PIBF1: variants seen among roughly 807,000 people sequenced by gnomAD.
PIBF1 encodes the protein progesterone immunomodulatory binding factor 1, also known as progesterone-induced-blocking factor 1.
In PIBF1, 90 loss-of-function variants were observed where a neutral mutation model predicts 112.5. The observed-to-expected ratio is 0.80, with a 90% CI of 0.67 to 0.95. The LOEUF (loss-of-function observed/expected upper bound fraction) is 0.95, where lower values mean the gene tolerates loss of function less well. PIBF1 is among the 40% of genes least tolerant of loss of function. The pLI is 0.00. For missense variants in PIBF1, 915 were observed against 852.3 expected, an observed-to-expected ratio of 1.07 and a Z score of -0.92; for synonymous variants, 301 against 288.6, an observed-to-expected ratio of 1.04 and a Z score of -0.44.
At chr13:72,934,108 A>G (rs1396306668) in intron 14 of PIBF1, among the ~76,000 whole-genome samples, 1 of 152,286 alleles carries the variant, frequency 6.6e-6, no homozygotes, top group East Asian at 1.9e-4. Context: ...TGAAAATAAA[A>G]TATTTAAAGT....
In PIBF1 at chr13:72,797,911, G is replaced by A. The variant is rs142370535; in HGVS notation, c.557G>A (p.Arg186His). The change falls in exon 5 of 18, where the codon CGC (arginine) becomes CAC (histidine). Residue 186 changes from arginine (R) to histidine (H), a missense_variant. Coordinates refer to ENST00000326291, the MANE Select transcript of PIBF1 (RefSeq NM_006346.4). Reference sequence around the variant, plus strand: ...ATTAATTTAATTTTTTTCAAGGTTCGCTTCTATGAGCTAGTGAATCCATTA... The same window carrying A: ...ATTAATTTAATTTTTTTCAAGGTTCACTTCTATGAGCTAGTGAATCCATTA... ...QLSIPEYVSV[R>H]FYELVNPLRK... is the part of the protein sequence containing the mutation. The A allele has an allele frequency of 3.0e-5, 47 of 1,577,876 alleles. No homozygotes were observed. Among genetic ancestry groups the A allele is most frequent in the South Asian group, 2.1e-4 (18 of 83,886 alleles).
chr13:72,800,897 A>G (rs942745345), intron 5 of PIBF1, among the ~76,000 whole-genome samples: 1 of 152,182 alleles, frequency 6.6e-6, no homozygotes, highest in Non-Finnish European at 1.5e-5. Flanking sequence ...GAATTCTGTA[A>G]GGTTGGCTAG....
chr13:72,950,973 G>A (rs73218786), intron 14 of PIBF1, among the ~76,000 whole-genome samples: 5,678 of 152,332 alleles, frequency 0.037, 160 homozygotes, highest in Middle Eastern at 0.075. Flanking sequence ...AGTTTCTTCT[G>A]AAAGTGGCCA....
At chr13:72,846,869 C>G (rs531262090) in intron 9 of PIBF1, among the ~76,000 whole-genome samples, 6 of 152,126 alleles carry the variant, frequency 3.9e-5, no homozygotes, top group Non-Finnish European at 8.8e-5. Context: ...GTCCTGGACT[C>G]CCAGGTACCA....
rs180933044 is a variant in PIBF1 at position 72,847,909 on chromosome 13, G to A, written c.1224-6148G>A. Among the ~76,000 whole-genome samples the A allele has an allele frequency of 2.0e-5, 3 of 152,194 alleles. No individual in the cohort carries two copies. In the East Asian group the frequency reaches 5.8e-4, roughly 29 times the overall value. On this transcript the variant is annotated intron_variant, in intron 9 of 17. Transcript: ENST00000326291. ...AGTTTTATGTTGTGTCCAGGAAGAC[G>A]CTGGAGGTAGAGATGATAAATTCAA...
chr13:72,795,644 A>G, intron 4 of PIBF1, 87 bp downstream of exon 4: 1 of 791,746 alleles, frequency 1.3e-6, no homozygotes, highest in South Asian at 1.6e-5. Context: ...CTTTTGAAGT[A>G]CCCAATTGAT....
intron 16 of PIBF1, among the ~76,000 whole-genome samples, chr13:72,995,390 T>A (rs1407321789): frequency 6.6e-6 from 1 of 151,732 alleles, no homozygotes; most frequent in East Asian, 1.9e-4. Flanking sequence ...GAAAAATACA[T>A]CATTCATTAA....
At chr13:72,788,330 C>A (rs891791501) in intron 2 of PIBF1, among the ~76,000 whole-genome samples, 1 of 152,104 alleles carries the variant, frequency 6.6e-6, no homozygotes, top group Admixed American at 6.6e-5. Context: ...GCAGTTAATA[C>A]CAGAGACTTG....
intron 17 of PIBF1, among the ~76,000 whole-genome samples, chr13:73,012,810 AAAG>A (rs1002775336): frequency 4.6e-5 from 7 of 151,886 alleles, no homozygotes; most frequent in African/African-American, 7.2e-5. Context: ...AACCTCTAAA[AAAG>A]AGAATATCCA....
intron 9 of PIBF1, among the ~76,000 whole-genome samples, chr13:72,848,860 T>TAATA (rs1367570385): frequency 6.6e-6 from 1 of 152,128 alleles, no homozygotes; most frequent in Non-Finnish European, 1.5e-5. Flanking sequence ...CTTAACTCTT[T>TAATA]AAGTTTCTCA....
At chr13:72,926,814 G>A (rs2041499358) in intron 13 of PIBF1, among the ~76,000 whole-genome samples, 1 of 152,130 alleles carries the variant, frequency 6.6e-6, no homozygotes, top group African/African-American at 2.4e-5. Flanking sequence ...TTAGTGGTAT[G>A]CCTTTTCTTA....
chr13:72,844,787 A>ACACACACACG (rs1566348705), intron 9 of PIBF1, among the ~76,000 whole-genome samples: 1 of 125,610 alleles, frequency 8.0e-6, no homozygotes, highest in African/African-American at 3.0e-5. Context: ...ACACACACAC[A>ACACACACACG]CACACACACA....
chr13:72,821,361 G>A (rs942955753), intron 5 of PIBF1, among the ~76,000 whole-genome samples: 6 of 152,250 alleles, frequency 3.9e-5, no homozygotes, highest in Non-Finnish European at 7.4e-5. Flanking sequence ...AGGGTCACAC[G>A]ATTCCTTTTT....
chr13:72,810,457 CAT>C (rs2035955579), intron 5 of PIBF1, among the ~76,000 whole-genome samples: 1 of 152,140 alleles, frequency 6.6e-6, no homozygotes, highest in African/African-American at 2.4e-5. Context: ...TGTTTAGAAA[CAT>C]AGTTACATTC....
intron 17 of PIBF1, among the ~76,000 whole-genome samples, chr13:73,000,795 G>A (rs764508800): frequency 1.4e-4 from 22 of 152,042 alleles, no homozygotes; most frequent in Non-Finnish European, 2.4e-4. Flanking sequence ...CTGGAATACC[G>A]GCTATAATCA....
rs540024873 is a variant in PIBF1 at position 72,876,213 on chromosome 13, A to G, written c.1323-17571A>G. Among the ~76,000 whole-genome samples the G allele has an allele frequency of 1.9e-3, 232 of 122,214 alleles. 3 individuals are homozygous for G. The highest frequency in any genetic ancestry group is 7.0e-3 in the African/African-American group (219 of 31,400). 80.2% of individuals were successfully genotyped at this position (122,214 alleles called of 152,430 possible). A position where few individuals can be genotyped will look rare whatever the true frequency, so the allele number is the denominator to read the frequency against. On this transcript the variant is annotated intron_variant, in intron 10 of 17. Transcript: ENST00000326291. ...TTGAAAAGACTATCTTTCCACCAGT[A>G]TTCCCTTTGTCTTTTTGTCAAACAT...
chr13:72,909,575 A>G (rs2040827138), intron 12 of PIBF1, among the ~76,000 whole-genome samples: 1 of 151,426 alleles, frequency 6.6e-6, no homozygotes, highest in Admixed American at 6.6e-5. Flanking sequence ...GCTCACCTCA[A>G]CCTCTGCCTC....
At chr13:73,013,982 CT>C (rs1215861633) in intron 17 of PIBF1, among the ~76,000 whole-genome samples, 3 of 152,262 alleles carry the variant, frequency 2.0e-5, no homozygotes, top group Admixed American at 2.0e-4. Context: ...TATTCCATAA[CT>C]TTTCAAAACA....
intron 14 of PIBF1, among the ~76,000 whole-genome samples, chr13:72,947,787 A>G (rs1566479822): frequency 6.6e-6 from 1 of 152,196 alleles, no homozygotes; most frequent in Non-Finnish European, 1.5e-5. Context: ...ACGTGTACGC[A>G]TATATTTATT....
Sources: gnomAD v4.1 joint callset for allele counts (sites outside exome capture counted in the v4.1 genomes callset) on GRCh38, gnomAD v4.1.1 for gene constraint, MANE v1.5 for transcripts, NCBI Gene and HGNC (gene_info 2026-07-23, HGNC 2026-07-21) for gene names.